TWSG1: variants seen among roughly 807,000 people sequenced by gnomAD.
The protein encoded by TWSG1 is twisted gastrulation protein homolog 1.
TWSG1 carries 15 observed loss-of-function variants against 23.0 expected under a neutral mutation model. The ratio of observed to expected loss-of-function variants is 0.65; its 90% CI spans 0.44 to 1.00. TWSG1 has a LOEUF of 1.00. TWSG1 is among the 50% of genes least tolerant of loss of function. TWSG1 has a pLI of 0.00. For missense variants in TWSG1, 242 were observed against 278.7 expected, an observed-to-expected ratio of 0.87 and a Z score of 0.94; for synonymous variants, 86 against 92.8, an observed-to-expected ratio of 0.93 and a Z score of 0.42.
Position 9,400,321 on chromosome 18 carries a change from T to G in TWSG1, c.*794T>G, listed in dbSNP as rs1010864856. 3 of 152,166 alleles carry G rather than the reference T, an allele frequency of 2.0e-5. No homozygotes were observed. Among genetic ancestry groups the G allele is most frequent in the African/African-American group, 7.2e-5 (3 of 41,434 alleles). 9.4% of individuals were successfully genotyped at this position (152,166 alleles called of 1,614,324 possible). A position where few individuals can be genotyped will look rare whatever the true frequency, so the allele number is the denominator to read the frequency against. On this transcript the variant is annotated 3_prime_UTR_variant, in exon 5 of 5. Coordinates refer to ENST00000262120, the MANE Select transcript of TWSG1 (RefSeq NM_020648.6). ...TAGCAAGCAAAGCGTTTCTGTGACTTCAGGTACCAGCTTAAAGAGCACTAG... is the reference window on the plus strand; with the variant it reads ...TAGCAAGCAAAGCGTTTCTGTGACTGCAGGTACCAGCTTAAAGAGCACTAG...
chr18:9,373,429 G>A (rs1006898382), intron 3 of TWSG1, among the ~76,000 whole-genome samples: 1 of 152,162 alleles, frequency 6.6e-6, no homozygotes, highest in Non-Finnish European at 1.5e-5. Context: ...AGCTACTTGG[G>A]ATGCTGAGTC....
chr18:9,366,397 A>G (rs752332804), intron 3 of TWSG1, among the ~76,000 whole-genome samples: 4 of 152,212 alleles, frequency 2.6e-5, no homozygotes, highest in Non-Finnish European at 5.9e-5. Context: ...AACCCAGGAA[A>G]ACAGGATCAG....
chr18:9,338,250 C>T (rs571508932), intron 2 of TWSG1, among the ~76,000 whole-genome samples: 4 of 152,326 alleles, frequency 2.6e-5, no homozygotes, highest in Admixed American at 1.3e-4. Context: ...TGGTCCTTCT[C>T]GCTAATAGTT....
rs2040685821 is a variant in TWSG1, at chr18:9,386,545, A to G, written c.224-9735A>G. Among the ~76,000 whole-genome samples the G allele has an allele frequency of 2.0e-5, 3 of 152,134 alleles. No individual in the cohort carries two copies. In the East Asian group the frequency reaches 5.8e-4, roughly 29 times the overall value. Reference sequence around the variant, plus strand: ...AATATAGTGAAAACAGGCAGATAATATAACAGGGAAAGAATAGGCACTCCA... The same window carrying G: ...AATATAGTGAAAACAGGCAGATAATGTAACAGGGAAAGAATAGGCACTCCA... On this transcript the variant is annotated intron_variant, in intron 3 of 4. Transcript: ENST00000262120.
intron 3 of TWSG1, among the ~76,000 whole-genome samples, chr18:9,381,935 G>A (rs948929104): frequency 3.3e-5 from 5 of 151,954 alleles, no homozygotes; most frequent in Admixed American, 1.3e-4. Flanking sequence ...GTGCTTATCC[G>A]CACGTTTTAA....
At chr18:9,357,059 A>T (rs868336295) in intron 2 of TWSG1, among the ~76,000 whole-genome samples, 126 of 151,660 alleles carry the variant, frequency 8.3e-4, no homozygotes, top group African/African-American at 2.5e-3. Flanking sequence ...CTTTTACTCC[A>T]AAGACAAAGT....
At chr18:9,376,220 A>T (rs2040629843) in intron 3 of TWSG1, among the ~76,000 whole-genome samples, 1 of 152,202 alleles carries the variant, frequency 6.6e-6, no homozygotes, top group African/African-American at 2.4e-5. Flanking sequence ...CCCGGCCTTC[A>T]TCTATAGATT....
chr18:9,339,629 A>T (rs564862211), intron 2 of TWSG1, among the ~76,000 whole-genome samples: 1 of 152,196 alleles, frequency 6.6e-6, no homozygotes, highest in South Asian at 2.1e-4. Context: ...CATTAAAAAA[A>T]TTTAAAAAAT....
chr18:9,399,534 C>A lies in TWSG1; in HGVS notation c.*7C>A, dbSNP rs1321492809. 6.3e-7 allele frequency: 1 copy of A among 1,592,540 alleles called. No homozygotes were observed. The highest frequency in any genetic ancestry group is 8.5e-7 in the Non-Finnish European group (1 of 1,171,538). On this transcript the variant is annotated 3_prime_UTR_variant, in exon 5 of 5. Transcript: ENST00000262120. ...TATGAACTGCATGTTTTAAAGAAGA[C>A]AAATGCAAACCAAAGCAACTTAGTA...
At chr18:9,370,727 A>G (rs528709466) in intron 3 of TWSG1, among the ~76,000 whole-genome samples, 28 of 152,344 alleles carry the variant, frequency 1.8e-4, no homozygotes, top group Admixed American at 5.2e-4. Flanking sequence ...AACTCCAGCC[A>G]TAGATGTTTT....
At chr18:9,346,190 T>A (rs933202958) in intron 2 of TWSG1, among the ~76,000 whole-genome samples, 6 of 152,198 alleles carry the variant, frequency 3.9e-5, no homozygotes, top group Non-Finnish European at 7.3e-5. Context: ...TGTTTTTTAC[T>A]GTCTCTGTAG....
chr18:9,359,907 TAAAAAG>T, intron 2 of TWSG1, 59 bp from the exon 3 acceptor site: 1 of 1,359,666 alleles, frequency 7.4e-7, no homozygotes, highest in South Asian at 1.2e-5. Flanking sequence ...GTTTTTTGCT[TAAAAAG>T]TAGCAGTTTT....
chr18:9,384,281 C>A (rs2040672083), intron 3 of TWSG1, among the ~76,000 whole-genome samples: 1 of 152,136 alleles, frequency 6.6e-6, no homozygotes, highest in South Asian at 2.1e-4. Flanking sequence ...ATCTAAGACC[C>A]AGGTATGTTA....
intron 3 of TWSG1, among the ~76,000 whole-genome samples, chr18:9,390,824 C>T (rs2040708948): frequency 6.6e-6 from 1 of 152,134 alleles, no homozygotes; most frequent in Non-Finnish European, 1.5e-5. Flanking sequence ...CAAGCCTGGA[C>T]ATCATAGTGA....
intron 3 of TWSG1, among the ~76,000 whole-genome samples, chr18:9,368,658 C>T (rs2040590838): frequency 6.6e-6 from 1 of 151,888 alleles, no homozygotes; most frequent in African/African-American, 2.4e-5. Context: ...ATTAAAAATA[C>T]AAAAATTGGC....
At chr18:9,374,895 C>A (rs186891484) in intron 3 of TWSG1, among the ~76,000 whole-genome samples, 1 of 152,108 alleles carries the variant, frequency 6.6e-6, no homozygotes, top group Non-Finnish European at 1.5e-5. Context: ...GGGTGTGGTG[C>A]GGTGGCTCAC....
chr18:9,389,738 T>C (rs922566968), intron 3 of TWSG1, among the ~76,000 whole-genome samples: 2 of 152,234 alleles, frequency 1.3e-5, no homozygotes, highest in African/African-American at 4.8e-5. Context: ...TTTTAAACTT[T>C]TAATCTGAGG....
chr18:9,399,517 G>A lies in TWSG1; in HGVS notation c.662G>A (p.Cys221Tyr). 1 of 1,601,996 alleles carries A rather than the reference G, an allele frequency of 6.2e-7. No individual in the cohort carries two copies. Residue 221 changes from cysteine (C) to tyrosine (Y), a missense_variant, in exon 5 of 5, where the codon TGC becomes TAC. Physicochemically the swap from Cys to Tyr is radical, Grantham distance 194 (BLOSUM62 -2). Coordinates refer to ENST00000262120, the MANE Select transcript of TWSG1 (RefSeq NM_020648.6). ...AGTAAAACTGTCAAATGTATGAACT[G>A]CATGTTTTAAAGAAGACAAATGCAA... ...YGSKTVKCMN[C>Y]MF
intron 3 of TWSG1, among the ~76,000 whole-genome samples, chr18:9,390,151 A>G (rs1394285497): frequency 1.1e-5 from 1 of 89,912 alleles, no homozygotes; most frequent in Non-Finnish European, 2.2e-5. Flanking sequence ...TATCTGTGAC[A>G]GTTTCTTTCT....
Sources: gnomAD v4.1 joint callset for allele counts (sites outside exome capture counted in the v4.1 genomes callset) on GRCh38, gnomAD v4.1.1 for gene constraint, MANE v1.5 for transcripts, NCBI Gene and HGNC (gene_info 2026-07-23, HGNC 2026-07-21) for gene names.